ATP8B4: variants seen among roughly 807,000 people sequenced by gnomAD.
ATP8B4 encodes probable phospholipid-transporting ATPase IM.
Under a neutral mutation model 145.6 loss-of-function variants are expected in ATP8B4, and 133 were observed. The ratio of observed to expected loss-of-function variants is 0.91; its 90% CI spans 0.79 to 1.05. ATP8B4 has a LOEUF of 1.05. Ranked by LOEUF, ATP8B4 falls within the 50% of genes least tolerant of loss-of-function variation. The probability of loss-of-function intolerance (pLI) is 0.00; values close to 1 mark genes in which losing one functional copy is unlikely to be tolerated. For missense variants in ATP8B4, 1,458 were observed against 1,425.2 expected (o/e 1.02, Z -0.37); for synonymous variants, 507 against 492.9 (o/e 1.03, Z -0.38).
intron 1 of ATP8B4, among the ~76,000 whole-genome samples, chr15:50,174,062 A>C (rs1341455746): frequency 1.3e-5 from 2 of 152,244 alleles, no homozygotes; most frequent in African/African-American, 4.8e-5. Flanking sequence ...ATCTCAATAG[A>C]TGCAGAAAAA....
intron 23 of ATP8B4, among the ~76,000 whole-genome samples, chr15:49,889,506 T>G (rs2036568866): frequency 6.6e-6 from 1 of 152,156 alleles, no homozygotes; most frequent in Non-Finnish European, 1.5e-5. Flanking sequence ...CAGAGGAAAG[T>G]CCATAAACCA....
At chr15:50,061,921 T>C (rs1324343481) in intron 3 of ATP8B4, among the ~76,000 whole-genome samples, 1 of 152,248 alleles carries the variant, frequency 6.6e-6, no homozygotes, top group Non-Finnish European at 1.5e-5. Context: ...CTTACTCAGA[T>C]ACAGTGAAAA....
intron 2 of ATP8B4, among the ~76,000 whole-genome samples, chr15:50,076,800 T>C (rs2054207242): frequency 6.6e-6 from 1 of 152,238 alleles, no homozygotes; most frequent in African/African-American, 2.4e-5. Context: ...TTAGCATCCC[T>C]TCATTAAGTT....
intron 1 of ATP8B4, among the ~76,000 whole-genome samples, chr15:50,165,538 T>C (rs6493413): frequency 0.56 from 85,395 of 151,704 alleles, 24,718 homozygotes; most frequent in East Asian, 0.93. Context: ...CTCCTCCCCC[T>C]AAATAAAAAA....
chr15:50,149,443 G>A (rs2044318964), intron 1 of ATP8B4, among the ~76,000 whole-genome samples: 1 of 152,142 alleles, frequency 6.6e-6, no homozygotes, highest in Admixed American at 6.5e-5. Context: ...GCAAGCATGG[G>A]AGGGGATAAT....
intron 1 of ATP8B4, among the ~76,000 whole-genome samples, chr15:50,161,391 T>C (rs1488409739): frequency 6.6e-6 from 1 of 152,050 alleles, no homozygotes; most frequent in Admixed American, 6.6e-5. Context: ...TAGGTAAGGA[T>C]TTACTTCTTC....
At chr15:50,171,621 A>G (rs562134361) in intron 1 of ATP8B4, among the ~76,000 whole-genome samples, 1 of 152,322 alleles carries the variant, frequency 6.6e-6, no homozygotes, top group East Asian at 1.9e-4. Context: ...GCATAAACAG[A>G]CAATCTAAGA....
intron 6 of ATP8B4, among the ~76,000 whole-genome samples, chr15:50,018,355 C>T (rs2049262971): frequency 6.6e-6 from 1 of 152,104 alleles, no homozygotes; most frequent in Non-Finnish European, 1.5e-5. Context: ...GAGTTTAAGA[C>T]CACTCTTATG....
rs115289287 is a variant in ATP8B4, at chr15:49,944,530, T to C, written c.1288-10348A>G. On this transcript the variant is annotated intron_variant, in intron 14 of 27. Transcript: ENST00000284509. Reference sequence around the variant, plus strand: ...CAGGATGATGTAGCAATTATAAGTCTACATGCCCCCAACATCAGATCATCG... The same window carrying C: ...CAGGATGATGTAGCAATTATAAGTCCACATGCCCCCAACATCAGATCATCG... Among the ~76,000 whole-genome samples the C allele has an allele frequency of 3.7e-3, 569 of 152,276 alleles. 8 individuals carry two copies. The highest frequency in any genetic ancestry group is 0.013 in the African/African-American group (553 of 41,566).
intron 13 of ATP8B4, among the ~76,000 whole-genome samples, chr15:49,966,305 G>A (rs1048024923): frequency 6.6e-6 from 1 of 152,222 alleles, no homozygotes; most frequent in African/African-American, 2.4e-5. Context: ...ACTGAAGTCA[G>A]GGAGCCAAGT....
chr15:50,091,446 A>G (rs1434787532), intron 2 of ATP8B4, among the ~76,000 whole-genome samples: 1 of 152,218 alleles, frequency 6.6e-6, no homozygotes, highest in African/African-American at 2.4e-5. Context: ...CAATATGGCA[A>G]TTAGATTGTA....
intron 20 of ATP8B4, among the ~76,000 whole-genome samples, chr15:49,916,302 C>T (rs758013181): frequency 6.6e-6 from 1 of 152,134 alleles, no homozygotes; most frequent in Non-Finnish European, 1.5e-5. Flanking sequence ...CCTCCAATTT[C>T]AGCACTTACG....
chr15:50,051,788 G>A (rs896903816), intron 3 of ATP8B4, among the ~76,000 whole-genome samples: 6 of 152,106 alleles, frequency 3.9e-5, no homozygotes, highest in African/African-American at 9.7e-5. Context: ...GTCTATAACT[G>A]TCAAAACCAC....
chr15:50,170,882 G>C lies in ATP8B4; in HGVS notation c.-43+11379C>G, dbSNP rs149447052. 1.4e-4 allele frequency among the ~76,000 whole-genome samples: 21 copies of C among 152,222 alleles called. 1 individual carries two copies. The highest frequency in any genetic ancestry group is 4.8e-4 in the African/African-American group (20 of 41,516). ...TGGAAAGAGGTGTTTCATGCAAATG[G>C]ACACAAAAAGTGAGCAGGTGTAGCT... is the stretch of plus-strand genomic sequence containing the variant. On this transcript the variant is annotated intron_variant, in intron 1 of 3. Coordinates refer to the ATP8B4 transcript ENST00000558829.
At chr15:49,923,306 T>A in intron 17 of ATP8B4, 73 bp downstream of exon 17, 1 of 1,055,464 alleles carries the variant, frequency 9.5e-7, no homozygotes, top group East Asian at 2.5e-5. Flanking sequence ...AGCTGCTATT[T>A]TTTTTAAACA....
At chr15:49,905,915 G>A (rs541701581) in intron 20 of ATP8B4, among the ~76,000 whole-genome samples, 2 of 151,676 alleles carry the variant, frequency 1.3e-5, no homozygotes, top group South Asian at 4.2e-4. Context: ...TAAGGAGGTG[G>A]GTAGATGTAT....
At chr15:49,893,596 G>A (rs906112366) in intron 23 of ATP8B4, among the ~76,000 whole-genome samples, 1 of 152,150 alleles carries the variant, frequency 6.6e-6, no homozygotes, top group Non-Finnish European at 1.5e-5. Flanking sequence ...GGTATCTAAA[G>A]TAGGAAAACT....
chr15:50,136,553 T>G (rs1203483641), intron 1 of ATP8B4, among the ~76,000 whole-genome samples: 1 of 152,250 alleles, frequency 6.6e-6, no homozygotes, highest in Non-Finnish European at 1.5e-5. Context: ...TTGTTTCCTT[T>G]GCTAAATGAG....
At chr15:49,966,930 G>A (rs925657973) in intron 13 of ATP8B4, among the ~76,000 whole-genome samples, 2 of 152,198 alleles carry the variant, frequency 1.3e-5, no homozygotes, top group African/African-American at 4.8e-5. Context: ...AGAACAGGCA[G>A]CAATTTTTGC....
Sources: allele counts gnomAD v4.1 joint callset (sites outside exome capture counted in the v4.1 genomes callset), GRCh38; gene constraint gnomAD v4.1.1; transcripts MANE v1.5; gene names NCBI Gene and HGNC (gene_info 2026-07-23, HGNC 2026-07-21).